The following EGFLAM variants were observed in gnomAD, a reference collection of about 807,000 sequenced individuals.
EGFLAM encodes the protein pikachurin.
In EGFLAM, 79 loss-of-function variants were observed where a neutral mutation model predicts 113.1. The ratio of observed to expected loss-of-function variants is 0.70; its 90% CI spans 0.58 to 0.84. The LOEUF is 0.84. Among genes scored for constraint, EGFLAM ranks in the 40% least tolerant of loss-of-function variants. The pLI, the probability that EGFLAM is intolerant of heterozygous loss-of-function variation, is 0.00. For missense variants in EGFLAM, 1,265 were observed against 1,291.6 expected (o/e 0.98, Z 0.32); for synonymous variants, 504 against 487.6 (o/e 1.03, Z -0.44).
chr5:38,434,559 TAA>T (rs1247527355), intron 15 of EGFLAM, among the ~76,000 whole-genome samples: 2 of 152,342 alleles, frequency 1.3e-5, no homozygotes, highest in East Asian at 3.9e-4. Flanking sequence ...TAACATTACC[TAA>T]AGTGTGTTCA....
chr5:38,313,206 C>A (rs1044601526), intron 1 of EGFLAM, among the ~76,000 whole-genome samples: 5 of 152,070 alleles, frequency 3.3e-5, no homozygotes, highest in African/African-American at 1.2e-4. Flanking sequence ...CATGATTTTG[C>A]TCTGCATAAT....
chr5:38,348,389 AG>A (rs1203442587), intron 3 of EGFLAM, among the ~76,000 whole-genome samples: 1 of 152,124 alleles, frequency 6.6e-6, no homozygotes, highest in Non-Finnish European at 1.5e-5. Flanking sequence ...TAGCAGAGAA[AG>A]GGGGGTGGAT....
chr5:38,352,200 C>T lies in EGFLAM; in HGVS notation c.414C>T (p.Ser138=), dbSNP rs1284663528. 6.2e-7 allele frequency: 1 copy of T among 1,613,980 alleles called. No homozygotes were observed. The highest frequency in any genetic ancestry group is 1.3e-5 in the African/African-American group (1 of 74,922). Residue 138 remains serine, a synonymous_variant, in exon 5 of 22, where the codon TCC becomes TCT. Coordinates refer to ENST00000322350, the MANE Select transcript of EGFLAM (RefSeq NM_152403.4). ...TGTGTTTGTCATCCCACCTAGATTC[C>T]TGCCTGCCTCCTGCAGCTCCCCAGC... ...PRHVTTLSQD[S]CLPPAAPQQP...
chr5:38,435,512 A>G (rs1033398358), intron 16 of EGFLAM, among the ~76,000 whole-genome samples: 10 of 152,202 alleles, frequency 6.6e-5, no homozygotes, highest in African/African-American at 1.4e-4. Flanking sequence ...AAATCTACCA[A>G]ACTATATTAG....
At chr5:38,261,151 C>T (rs774230820) in intron 1 of EGFLAM, among the ~76,000 whole-genome samples, 2 of 152,256 alleles carry the variant, frequency 1.3e-5, no homozygotes, top group East Asian at 1.9e-4. Context: ...ATTCCCCATC[C>T]GCACCTACCT....
chr5:38,445,742 C>T (rs766224006), intron 17 of EGFLAM: 1 of 1,594,628 alleles, frequency 6.3e-7, no homozygotes, highest in Non-Finnish European at 8.5e-7. Context: ...CGAGAGCGCT[C>T]TGGGCTGGGG....
chr5:38,451,991 CAAAAAAAAAAA>C (rs531712895), intron 19 of EGFLAM, among the ~76,000 whole-genome samples: 1 of 38,720 alleles, frequency 2.6e-5, no homozygotes, highest in African/African-American at 6.6e-5. Context: ...GACTCCATCT[CAAAAAAAAAAA>C]AAAAAAAAAG....
chr5:38,370,214 T>C (rs570882830), intron 5 of EGFLAM, 82 bp from the exon 6 acceptor site: 5 of 1,416,562 alleles, frequency 3.5e-6, no homozygotes, highest in Non-Finnish European at 4.9e-6. Flanking sequence ...GTTCAAATGC[T>C]ATTAGTTTAC....
At chr5:38,324,271 C>T (rs541801539) in intron 1 of EGFLAM, among the ~76,000 whole-genome samples, 1 of 152,250 alleles carries the variant, frequency 6.6e-6, no homozygotes, top group East Asian at 1.9e-4. Flanking sequence ...TGTGACTTTG[C>T]CTGATGGTTT....
intron 3 of EGFLAM, among the ~76,000 whole-genome samples, chr5:38,343,355 G>A (rs544301028): frequency 6.7e-5 from 10 of 149,260 alleles, no homozygotes; most frequent in Non-Finnish European, 1.3e-4. Context: ...ACAGTGAGCC[G>A]AGATCGCGCC....
In EGFLAM at chr5:38,421,193, T is replaced by C. The variant is rs369151802; in HGVS notation, c.1684+2938T>C. On this transcript the variant is annotated intron_variant, in intron 12 of 21. Coordinates refer to ENST00000322350, the MANE Select transcript of EGFLAM (RefSeq NM_152403.4). Reference sequence around the variant, plus strand: ...ACCCGTTTTTATTCCCCAGAGGGGCTTGCATTACTCAGTTCCTTCCACTTC... The same window carrying C: ...ACCCGTTTTTATTCCCCAGAGGGGCCTGCATTACTCAGTTCCTTCCACTTC... 5.6e-4 allele frequency among the ~76,000 whole-genome samples: 85 copies of C among 152,374 alleles called. 1 individual carries two copies. The South Asian group carries it at 0.015, about 26-fold the overall frequency.
chr5:38,426,561 A>G (rs1046929048), intron 13 of EGFLAM, among the ~76,000 whole-genome samples: 5 of 152,196 alleles, frequency 3.3e-5, no homozygotes, highest in Non-Finnish European at 7.3e-5. Context: ...GGGTAAGCCA[A>G]TGCTGTTACA....
At chr5:38,366,437 G>A (rs1000820299) in intron 5 of EGFLAM, among the ~76,000 whole-genome samples, 2 of 152,172 alleles carry the variant, frequency 1.3e-5, no homozygotes, top group Non-Finnish European at 1.5e-5. Flanking sequence ...TTACACTTCC[G>A]TGGAGCCTCC....
At chr5:38,436,257 GA>G (rs1246711576) in intron 16 of EGFLAM, among the ~76,000 whole-genome samples, 1 of 152,188 alleles carries the variant, frequency 6.6e-6, no homozygotes, top group Non-Finnish European at 1.5e-5. Flanking sequence ...AGGATCTGAA[GA>G]AAAGCATGTT....
intron 6 of EGFLAM, among the ~76,000 whole-genome samples, chr5:38,395,847 A>G (rs1001104836): frequency 1.3e-5 from 2 of 152,070 alleles, no homozygotes; most frequent in Non-Finnish European, 2.9e-5. Flanking sequence ...AGACCATACT[A>G]TGTATGTCAA....
At chr5:38,427,335 A>G in intron 14 of EGFLAM, 83 bp downstream of exon 14, 13 of 1,560,142 alleles carry the variant, frequency 8.3e-6, no homozygotes, top group South Asian at 1.2e-5. Flanking sequence ...TCGCCATTCA[A>G]CAGCTCACAC....
intron 3 of EGFLAM, among the ~76,000 whole-genome samples, chr5:38,347,462 C>T (rs1431277239): frequency 1.3e-5 from 2 of 152,066 alleles, no homozygotes; most frequent in African/African-American, 4.8e-5. Context: ...GACACCAGGG[C>T]AGCCTAGAGG....
intron 14 of EGFLAM, chr5:38,430,101 C>T (rs543441817): frequency 3.1e-5 from 7 of 228,464 alleles, no homozygotes; most frequent in East Asian, 1.1e-4. Context: ...GACAGCTTTG[C>T]GTCGGAGTAG....
chr5:38,279,429 A>C (rs1244186875), intron 1 of EGFLAM, among the ~76,000 whole-genome samples: 1 of 152,228 alleles, frequency 6.6e-6, no homozygotes, highest in African/African-American at 2.4e-5. Context: ...TGTTTATTAC[A>C]GCACTAGTCT....
Sources: allele counts gnomAD v4.1 joint callset (sites outside exome capture counted in the v4.1 genomes callset), GRCh38; gene constraint gnomAD v4.1.1; transcripts MANE v1.5; gene names NCBI Gene and HGNC (gene_info 2026-07-23, HGNC 2026-07-21).